PEX7: variants seen among roughly 807,000 people sequenced by gnomAD.
PEX7 encodes PTS2 receptor.
Under a neutral mutation model 47.5 loss-of-function variants are expected in PEX7, and 34 were observed. The ratio of observed to expected loss-of-function variants is 0.72; its 90% confidence interval spans 0.54 to 0.95. The LOEUF (loss-of-function observed/expected upper bound fraction) is 0.95, where lower values mean the gene tolerates loss of function less well. Among genes scored for constraint, PEX7 ranks in the 40% least tolerant of loss-of-function variants. The pLI is 0.00. For synonymous variants in PEX7, 141 were observed against 148.8 expected (o/e 0.95, Z 0.38); for missense variants, 394 against 400.3 (o/e 0.98, Z 0.13).
chr6:136,870,531 G>A lies in PEX7; in HGVS notation c.747+528G>A, dbSNP rs1040092495. Among the ~76,000 whole-genome samples the A allele has an allele frequency of 2.0e-5, 3 of 152,040 alleles. No individual in the cohort carries two copies. In the South Asian group the frequency reaches 6.2e-4, roughly 32 times the overall value. The stretch of plus-strand genomic sequence containing the variant: ...TTTATCTGGGTTATAAGATGACTTA[G>A]GTTGGTTTCCTGGCTTTTATATTTA... On this transcript the variant is annotated intron_variant, in intron 7 of 9. Transcript: ENST00000318471.
chr6:136,913,346 A>G (rs1775962052), intron 9 of PEX7, 112 bp from the exon 10 acceptor site: 1 of 763,920 alleles, frequency 1.3e-6, no homozygotes, highest in Non-Finnish European at 2.4e-6. Flanking sequence ...ATTCAAAAAT[A>G]TGTTTACTAG....
chr6:136,897,968 C>CT (rs1411242486), intron 8 of PEX7, among the ~76,000 whole-genome samples, 174 bp from the exon 9 acceptor site: 1 of 150,794 alleles, frequency 6.6e-6, no homozygotes, highest in Non-Finnish European at 1.5e-5. Context: ...GGATGGAGTA[C>CT]TTTTTTTTCT....
At chr6:136,828,872 T>G (rs565871723) in intron 3 of PEX7, among the ~76,000 whole-genome samples, 1 of 152,378 alleles carries the variant, frequency 6.6e-6, no homozygotes, top group East Asian at 1.9e-4. Context: ...TTATTTGAAC[T>G]GCTATTAAAC....
At chr6:136,844,092 C>T (rs116053070) in intron 3 of PEX7, among the ~76,000 whole-genome samples, 4,534 of 152,158 alleles carry the variant, frequency 0.03, 264 homozygotes, top group African/African-American at 0.1. Flanking sequence ...AGGCTGGGCA[C>T]GGTGGCTCAT....
chr6:136,892,231 T>G (rs28432980), intron 8 of PEX7, among the ~76,000 whole-genome samples: 1 of 152,208 alleles, frequency 6.6e-6, no homozygotes, highest in East Asian at 1.9e-4. Context: ...AATGGACTCT[T>G]GGCATGGGCT....
At chr6:136,850,605 A>G (rs2115180557) in intron 5 of PEX7, among the ~76,000 whole-genome samples, 1 of 152,334 alleles carries the variant, frequency 6.6e-6, no homozygotes, top group African/African-American at 2.4e-5. Context: ...AATAATTCCT[A>G]GATTTCTGGC....
intron 3 of PEX7, among the ~76,000 whole-genome samples, chr6:136,839,560 G>A (rs189794406): frequency 1.8e-4 from 28 of 152,202 alleles, no homozygotes; most frequent in African/African-American, 6.5e-4. Context: ...TAATCAGATA[G>A]GCCTCTAGAG....
intron 8 of PEX7, among the ~76,000 whole-genome samples, chr6:136,875,238 C>T (rs1341127693): frequency 6.7e-6 from 1 of 149,142 alleles, no homozygotes; most frequent in African/African-American, 2.5e-5. Flanking sequence ...TTTTTTTCAG[C>T]TTCTTGAGAT....
chr6:136,868,681 T>C (rs546983560), intron 6 of PEX7, among the ~76,000 whole-genome samples: 3 of 151,570 alleles, frequency 2.0e-5, no homozygotes, highest in African/African-American at 7.3e-5. Flanking sequence ...CAATGTTAGG[T>C]TGGTGCAAGA....
intron 5 of PEX7, among the ~76,000 whole-genome samples, chr6:136,853,689 A>G (rs1396760231): frequency 6.6e-6 from 1 of 152,178 alleles, no homozygotes; most frequent in Non-Finnish European, 1.5e-5. Flanking sequence ...AAGTATATCC[A>G]TTTAGATTAT....
intron 5 of PEX7, among the ~76,000 whole-genome samples, chr6:136,860,832 C>G (rs1424282340): frequency 6.6e-6 from 1 of 152,128 alleles, no homozygotes; most frequent in Non-Finnish European, 1.5e-5. Flanking sequence ...GTAACTGGCA[C>G]CCAGGTGAAG....
chr6:136,829,609 A>T (rs1481123203), intron 3 of PEX7, among the ~76,000 whole-genome samples: 5 of 152,288 alleles, frequency 3.3e-5, no homozygotes, highest in Admixed American at 1.3e-4. Flanking sequence ...CTCAAATGAG[A>T]GTTTTAAGGA....
chr6:136,898,140 A>C lies in PEX7; in HGVS notation c.804-2A>C, dbSNP rs774676095. The C allele has an allele frequency of 2.5e-6, 4 of 1,570,548 alleles. No individual in the cohort carries two copies. The Admixed American group carries it at 6.7e-5, about 26-fold the overall frequency. The stretch of plus-strand genomic sequence containing the variant: ...ATTATTCCCTTTTATTTATCTTCAC[A>C]GATTCTGGAACTTTTCAAAGCCTGA... On this transcript the variant is annotated splice_acceptor_variant, in intron 8 of 9. Transcript: ENST00000318471. LOFTEE classifies it high-confidence loss of function.
chr6:136,855,360 T>TC (rs972686038), intron 5 of PEX7, among the ~76,000 whole-genome samples: 1 of 151,520 alleles, frequency 6.6e-6, no homozygotes, highest in African/African-American at 2.4e-5. Context: ...TTTTTTTTTT[T>TC]TGAGACGGAG....
chr6:136,861,880 A>G lies in PEX7; in HGVS notation c.527-4747A>G, dbSNP rs147047463. Reference sequence around the variant, plus strand: ...TGAATTTATATATATATAAATATATATAAATTCACTATGTTTATATATATA... The same window carrying G: ...TGAATTTATATATATATAAATATATGTAAATTCACTATGTTTATATATATA... On this transcript the variant is annotated intron_variant, in intron 5 of 9. Transcript: ENST00000318471. 7.5e-3 allele frequency among the ~76,000 whole-genome samples: 1,096 copies of G among 146,872 alleles called. 4 individuals are homozygous for G. Among genetic ancestry groups the G allele is most frequent in the Non-Finnish European group, 0.012 (779 of 66,784 alleles).
chr6:136,846,055 C>T lies in PEX7; in HGVS notation c.418-18C>T. 6.9e-7 allele frequency: 1 copy of T among 1,443,032 alleles called. No individual in the cohort carries two copies. The highest frequency in any genetic ancestry group is 1.7e-5 in the Admixed American group (1 of 59,686). The allele number at this position is 1,443,032 out of a possible 1,614,324, so 89.4% of individuals were successfully genotyped here. ...TGAATTTATCCCTCAAGTAATTGATCTATTCATTTATTTGTAGTGGGATCC... is the reference window on the plus strand; with the variant it reads ...TGAATTTATCCCTCAAGTAATTGATTTATTCATTTATTTGTAGTGGGATCC... On this transcript the variant is annotated intron_variant, in intron 4 of 9. Transcript: ENST00000318471.
Position 136,866,061 on chromosome 6 carries a change from GAC to G in PEX7, c.527-564_527-563del, listed in dbSNP as rs573885864. Among the ~76,000 whole-genome samples, 373 of 152,048 alleles carry G rather than the reference GAC, an allele frequency of 2.5e-3. 1 individual carries two copies. The highest frequency in any genetic ancestry group is 8.4e-3 in the African/African-American group (349 of 41,522). Reference sequence around the variant, plus strand: ...TCGTGCCACTGCACTCCAGCCTGGCGACAGAGTGAGACTCTGTCTCGAAATAA... The same window carrying G: ...TCGTGCCACTGCACTCCAGCCTGGCGAGAGTGAGACTCTGTCTCGAAATAA... On this transcript the variant is annotated intron_variant, in intron 5 of 9. Coordinates refer to ENST00000318471, the MANE Select transcript of PEX7 (RefSeq NM_000288.4).
chr6:136,857,009 T>C (rs570825610), intron 5 of PEX7, among the ~76,000 whole-genome samples: 14 of 152,374 alleles, frequency 9.2e-5, no homozygotes, highest in Admixed American at 1.3e-4. Flanking sequence ...TCCTTTGTGG[T>C]GATTTACAAA....
At chr6:136,863,616 A>G (rs1020708457) in intron 5 of PEX7, among the ~76,000 whole-genome samples, 2 of 152,186 alleles carry the variant, frequency 1.3e-5, no homozygotes, top group African/African-American at 4.8e-5. Context: ...TTATAGAAAA[A>G]GTAATACAGG....
Sources: allele counts gnomAD v4.1 joint callset (sites outside exome capture counted in the v4.1 genomes callset), GRCh38; gene constraint gnomAD v4.1.1; transcripts MANE v1.5; gene names NCBI Gene and HGNC (gene_info 2026-07-23, HGNC 2026-07-21).